The following ZSCAN26 variants were observed in gnomAD, a reference collection of about 807,000 sequenced individuals.
The protein encoded by ZSCAN26 is zinc finger and SCAN domain-containing protein 26.
ZSCAN26 carries 26 observed loss-of-function variants against 23.0 expected under a neutral mutation model. The ratio of observed to expected loss-of-function variants is 1.13; its 90% confidence interval spans 0.83 to 1.57. ZSCAN26 has a LOEUF of 1.57. ZSCAN26 is among the 40% of genes most tolerant of loss of function. ZSCAN26 has a pLI of 0.00. For synonymous variants in ZSCAN26, 180 were observed against 202.5 expected, an observed-to-expected ratio of 0.89 and a Z score of 0.94; for missense variants, 528 against 568.5, an observed-to-expected ratio of 0.93 and a Z score of 0.72.
rs542646739 is a variant in ZSCAN26, at chr6:28,272,632, A to G, written c.421-38A>G. ...GAACAGCAGTTTCCTAAACCCACAT[A>G]TATCTAATTATGCCTCCATATACCT... On this transcript the variant is annotated intron_variant, in intron 2 of 3. Transcript: ENST00000421553. 4.0e-6 allele frequency: 6 copies of G among 1,508,232 alleles called. No homozygotes were observed. The Admixed American group carries it at 8.0e-5, about 20-fold the overall frequency. 93.4% of individuals were successfully genotyped at this position (1,508,232 alleles called of 1,614,324 possible). A position where few individuals can be genotyped will look rare whatever the true frequency, so the allele number is the denominator to read the frequency against.
In ZSCAN26 at chr6:28,278,178, T is replaced by C. The variant is rs1762027024; in HGVS notation, c.*1082T>C. 6.6e-6 allele frequency: 1 copy of C among 152,212 alleles called. No individual in the cohort carries two copies. The highest frequency in any genetic ancestry group is 1.5e-5 in the Non-Finnish European group (1 of 68,026). 9.4% of individuals were successfully genotyped at this position (152,212 alleles called of 1,614,324 possible). A position where few individuals can be genotyped will look rare whatever the true frequency, so the allele number is the denominator to read the frequency against. Reference sequence around the variant, plus strand: ...GTCTTGGGAGTCCATAGAATACTGTTTCCTTCTAATAAAGGTTTCAAACAA... The same window carrying C: ...GTCTTGGGAGTCCATAGAATACTGTCTCCTTCTAATAAAGGTTTCAAACAA... On this transcript the variant is annotated 3_prime_UTR_variant, in exon 4 of 4. Transcript: ENST00000421553.
chr6:28,276,130 G>C lies in ZSCAN26; in HGVS notation c.539-65G>C. 3 of 1,435,076 alleles carry C rather than the reference G, an allele frequency of 2.1e-6. 1 individual carries two copies. The South Asian group carries it at 4.3e-5, about 21-fold the overall frequency. 88.9% of individuals were successfully genotyped at this position (1,435,076 alleles called of 1,614,324 possible). ...TTCATTATATTTTTTTTTCCTTTTAGTTGCAGATTCCTTTCCCCAAGCATC... is the reference window on the plus strand; with the variant it reads ...TTCATTATATTTTTTTTTCCTTTTACTTGCAGATTCCTTTCCCCAAGCATC... On this transcript the variant is annotated intron_variant, in intron 3 of 3. Transcript: ENST00000421553.
intron 1 of ZSCAN26, among the ~76,000 whole-genome samples, chr6:28,270,117 G>C (rs911224173): frequency 1.3e-5 from 2 of 151,954 alleles, no homozygotes; most frequent in Admixed American, 1.3e-4. Flanking sequence ...CTCATTTTTT[G>C]TATTTTTAGT....
chr6:28,275,904 A>G lies in ZSCAN26; in HGVS notation c.539-291A>G, dbSNP rs139761500. ...AGACTGTACAGCCATGCCCTTTAAG[A>G]CAGTTTATTTGCTTGCTTGCTAGCT... On this transcript the variant is annotated intron_variant, in intron 3 of 3. Transcript: ENST00000421553. Among the ~76,000 whole-genome samples, 1,068 of 152,182 alleles carry G rather than the reference A, an allele frequency of 7.0e-3. 13 individuals are homozygous for G. The highest frequency in any genetic ancestry group is 0.024 in the African/African-American group (979 of 41,504).
intron 3 of ZSCAN26, among the ~76,000 whole-genome samples, chr6:28,273,434 C>T (rs959461310): frequency 2.0e-5 from 3 of 151,866 alleles, no homozygotes; most frequent in East Asian, 1.9e-4. Flanking sequence ...CCCAGCTACT[C>T]GGGAGGCTGA....
At chr6:28,272,638 A>T in intron 2 of ZSCAN26, 32 bp from the exon 3 acceptor site, 1 of 1,528,044 alleles carries the variant, frequency 6.5e-7, no homozygotes, top group Non-Finnish European at 8.9e-7. Flanking sequence ...ACATATATCT[A>T]ATTATGCCTC....
At chr6:28,275,905 C>G (rs1050278850) in intron 3 of ZSCAN26, among the ~76,000 whole-genome samples, 3 of 152,132 alleles carry the variant, frequency 2.0e-5, no homozygotes, top group Non-Finnish European at 4.4e-5. Context: ...CCCTTTAAGA[C>G]AGTTTATTTG....
In ZSCAN26 at chr6:28,271,963, A is replaced by G. The variant is rs76463649; in HGVS notation, c.44A>G (p.Asn15Ser). Residue 15 changes from asparagine (N) to serine (S), a missense_variant, in exon 2 of 4, where the codon AAT becomes AGT. Physicochemically the swap from Asn to Ser is conservative, Grantham distance 46. Transcript: ENST00000421553. ...LVSAHSLAPL[N>S]LKKEGLRVVR... ...AGTGCCCATTCCCTGGCTCCCCTGA[A>G]TCTGAAGAAGGAGGGGCTTCGGGTA... The G allele has an allele frequency of 0.012, 18,173 of 1,551,614 alleles. 633 individuals carry two copies. Among genetic ancestry groups the G allele is most frequent in the African/African-American group, 0.1 (7,589 of 73,134 alleles).
chr6:28,275,481 T>C (rs1237052218), intron 3 of ZSCAN26, among the ~76,000 whole-genome samples: 1 of 152,190 alleles, frequency 6.6e-6, no homozygotes, highest in Non-Finnish European at 1.5e-5. Flanking sequence ...GAAAACAAAG[T>C]CTGCTCTGCA....
At position 28,272,343 on chromosome 6, in the gene ZSCAN26, A is replaced by C; in HGVS notation, c.420+4A>C. The C allele has an allele frequency of 2.0e-6, 3 of 1,517,910 alleles. No homozygotes were observed. The highest frequency in any genetic ancestry group is 2.7e-6 in the Non-Finnish European group (3 of 1,130,482). The allele number at this position is 1,517,910 out of a possible 1,614,324, so 94.0% of individuals were successfully genotyped here. ...TGGAGAAACAGGACAACAGGTGGTA[A>C]GGGTCAGATGTGCTCTTTTTCAGGA... On this transcript the variant is annotated splice_donor_region_variant and intron_variant, in intron 2 of 3. Coordinates refer to ENST00000421553, the MANE Select transcript of ZSCAN26 (RefSeq NM_001023560.4).
rs1311349061 is a variant in ZSCAN26, at chr6:28,271,898, G to A, written c.-22G>A. ...GTCCAAAGAAAGTTCTCCAAAACAA[G>A]GAGAACAGTCTGAAGCTGGGGATGG... On this transcript the variant is annotated 5_prime_UTR_variant, in exon 2 of 4. Transcript: ENST00000421553. 1.3e-6 allele frequency: 2 copies of A among 1,530,470 alleles called. No homozygotes were observed. The highest frequency in any genetic ancestry group is 1.8e-6 in the Non-Finnish European group (2 of 1,138,208). 94.8% of individuals were successfully genotyped at this position (1,530,470 alleles called of 1,614,324 possible).
At chr6:28,270,245 G>T (rs1429100226) in intron 1 of ZSCAN26, among the ~76,000 whole-genome samples, 2 of 152,164 alleles carry the variant, frequency 1.3e-5, no homozygotes, top group African/African-American at 2.4e-5. Flanking sequence ...ATAATTATCA[G>T]CTGGGAAATG....
At position 28,272,262 on chromosome 6, in the gene ZSCAN26, C is replaced by A. The variant is rs1194691492; in HGVS notation, c.343C>A (p.His115Asn). Residue 115 changes from histidine (H) to asparagine (N), a missense_variant, in exon 2 of 4, where the codon CAC becomes AAC. Physicochemically the swap from His to Asn is moderately conservative, Grantham distance 68. Coordinates refer to ENST00000421553, the MANE Select transcript of ZSCAN26 (RefSeq NM_001023560.4). ...KELQARVQEH[H>N]PESREDVVVV... ...GCTCCAGGCCCGGGTGCAGGAGCATCACCCAGAGAGCAGGGAGGACGTGGT... is the reference window on the plus strand; with the variant it reads ...GCTCCAGGCCCGGGTGCAGGAGCATAACCCAGAGAGCAGGGAGGACGTGGT... 3.7e-6 allele frequency: 6 copies of A among 1,609,860 alleles called. No individual in the cohort carries two copies. The Admixed American group carries it at 6.8e-5, about 18-fold the overall frequency.
At position 28,272,150 on chromosome 6, in the gene ZSCAN26, A is replaced by T; in HGVS notation, c.231A>T (p.Gln77His). Residue 77 changes from glutamine to histidine, a missense_variant, in exon 2 of 4, where the codon CAA becomes CAT. Physicochemically the swap from Gln to His is conservative, Grantham distance 24. Coordinates refer to ENST00000421553, the MANE Select transcript of ZSCAN26 (RefSeq NM_001023560.4). ...TAAGTCGGCTCCGGGAGCTCTGTCA[A>T]CAGTGGCTACAGCCCGAGACCCATA... ...EALSRLRELC[Q>H]QWLQPETHTK... 1 of 1,612,360 alleles carries T rather than the reference A, an allele frequency of 6.2e-7. No individual in the cohort carries two copies. The highest frequency in any genetic ancestry group is 8.5e-7 in the Non-Finnish European group (1 of 1,179,492).
intron 1 of ZSCAN26, 147 bp from the exon 2 acceptor site, chr6:28,271,707 A>C: frequency 3.7e-6 from 2 of 544,842 alleles, no homozygotes; most frequent in Non-Finnish European, 6.4e-6. Flanking sequence ...TCTGTAAGAT[A>C]GTTTTTTCCT....
At chr6:28,267,692 AAGAGTGTAG>A (rs1480016432) in intron 1 of ZSCAN26, among the ~76,000 whole-genome samples, 1 of 152,084 alleles carries the variant, frequency 6.6e-6, no homozygotes, top group Admixed American at 6.6e-5. Flanking sequence ...TATGGAGAGG[AAGAGTGTAG>A]AGGAAATGAG....
chr6:28,277,174 C>T lies in ZSCAN26; in HGVS notation c.*78C>T. 1 of 1,437,132 alleles carries T rather than the reference C, an allele frequency of 7.0e-7. No homozygotes were observed. Among genetic ancestry groups the T allele is most frequent in the Non-Finnish European group, 9.3e-7 (1 of 1,070,124 alleles). 89.0% of individuals were successfully genotyped at this position (1,437,132 alleles called of 1,614,324 possible). A position where few individuals can be genotyped will look rare whatever the true frequency, so the allele number is the denominator to read the frequency against. ...AGCACTTTAGGAAAAGTCACCGTAGCCCACTGTGGCATCAGAAAATTCTTG... is the reference window on the plus strand; with the variant it reads ...AGCACTTTAGGAAAAGTCACCGTAGTCCACTGTGGCATCAGAAAATTCTTG... On this transcript the variant is annotated 3_prime_UTR_variant, in exon 4 of 4. Coordinates refer to ENST00000421553, the MANE Select transcript of ZSCAN26 (RefSeq NM_001023560.4).
chr6:28,277,472 AT>A lies in ZSCAN26; in HGVS notation c.*381del. The A allele has an allele frequency of 5.0e-6, 1 of 201,942 alleles. No individual in the cohort carries two copies. The highest frequency in any genetic ancestry group is 1.0e-5 in the Non-Finnish European group (1 of 99,000). The allele number at this position is 201,942 out of a possible 1,614,324, so 12.5% of individuals were successfully genotyped here. ...TTAAGCAGAACAAGGGAAGATTGAT[AT>A]TTTTGGATATGCTATAGCAGCTTTC... On this transcript the variant is annotated 3_prime_UTR_variant, in exon 4 of 4. Coordinates refer to ENST00000421553, the MANE Select transcript of ZSCAN26 (RefSeq NM_001023560.4).
At chr6:28,269,748 G>C (rs1406898443) in intron 1 of ZSCAN26, among the ~76,000 whole-genome samples, 1 of 152,102 alleles carries the variant, frequency 6.6e-6, no homozygotes, top group African/African-American at 2.4e-5. Flanking sequence ...TAACTGCTTG[G>C]ATGAGGCCCA....
Sources: gnomAD v4.1 joint callset for allele counts (sites outside exome capture counted in the v4.1 genomes callset) on GRCh38, gnomAD v4.1.1 for gene constraint, MANE v1.5 for transcripts, NCBI Gene and HGNC (gene_info 2026-07-23, HGNC 2026-07-21) for gene names.